ABCC4: variants seen among roughly 807,000 people sequenced by gnomAD.
The protein encoded by ABCC4 is ATP-binding cassette sub-family C member 4.
In ABCC4, 102 loss-of-function variants were observed where a neutral mutation model predicts 168.5. The observed-to-expected ratio is 0.61, with a 90% CI of 0.52 to 0.71. The LOEUF (loss-of-function observed/expected upper bound fraction) is 0.71, where lower values mean the gene tolerates loss of function less well. Among genes scored for constraint, ABCC4 ranks in the 30% least tolerant of loss-of-function variants. The pLI is 0.00. For synonymous variants in ABCC4, 617 were observed against 590.7 expected (o/e 1.04, Z -0.65); for missense variants, 1,402 against 1,605.8 (o/e 0.87, Z 2.17).
rs146267028 is a variant in ABCC4, at chr13:95,158,453, T to G, written c.2455+2736A>C. Among the ~76,000 whole-genome samples the G allele has an allele frequency of 6.1e-3, 925 of 152,276 alleles. 7 individuals carry two copies. The highest frequency in any genetic ancestry group is 0.021 in the African/African-American group (870 of 41,564). ...CGGTGTGAATCACCTGGAGTTTCTG[T>G]GCCAGTCACCATCCCAAGGTGAGCT... On this transcript the variant is annotated intron_variant, in intron 19 of 30. Transcript: ENST00000645237.
At chr13:95,221,903 C>T (rs372190876) in intron 4 of ABCC4, among the ~76,000 whole-genome samples, 2 of 152,342 alleles carry the variant, frequency 1.3e-5, no homozygotes, top group African/African-American at 4.8e-5. Flanking sequence ...CACGTCCAGC[C>T]TCCCTCTCCA....
intron 26 of ABCC4, among the ~76,000 whole-genome samples, chr13:95,059,924 G>C (rs779923912): frequency 2.2e-4 from 34 of 152,154 alleles, no homozygotes; most frequent in Middle Eastern, 3.2e-3. Context: ...TTGGTTTAAG[G>C]ATGAGGAAAC....
chr13:95,278,826 A>C (rs989012576), intron 1 of ABCC4, among the ~76,000 whole-genome samples: 7 of 150,754 alleles, frequency 4.6e-5, no homozygotes, highest in South Asian at 2.1e-4. Context: ...AAAAAAAAAA[A>C]AAAAAAACAC....
intron 24 of ABCC4, among the ~76,000 whole-genome samples, chr13:95,072,559 T>C (rs929401852): frequency 6.6e-6 from 1 of 152,228 alleles, no homozygotes; most frequent in Non-Finnish European, 1.5e-5. Flanking sequence ...CTGTAATAAT[T>C]ACTCAACTTT....
chr13:95,115,946 C>A lies in ABCC4; in HGVS notation c.2511G>T (p.Pro837=), dbSNP rs148807118. 2 of 1,612,770 alleles carry A rather than the reference C, an allele frequency of 1.2e-6. No homozygotes were observed. The highest frequency in any genetic ancestry group is 3.4e-5 in the Admixed American group (2 of 59,628). The change falls in exon 20 of 31, where the codon CCG becomes CCT. Residue 837 remains proline (P), a synonymous_variant. Transcript: ENST00000645237. ...CCTGGATGAAATCTAAAAACGTCAG[C>A]GGCAGCAAATCATCCAAGTGTCCAA... is the stretch of plus-strand genomic sequence containing the variant. The part of the protein sequence containing the change: ...KDIGHLDDLL[P]LTFLDFIQTL...
At chr13:95,271,548 G>C (rs1032264212) in intron 1 of ABCC4, among the ~76,000 whole-genome samples, 3 of 152,068 alleles carry the variant, frequency 2.0e-5, no homozygotes, top group African/African-American at 7.2e-5. Context: ...AAGTATTTGC[G>C]TTACCTCAGC....
chr13:95,122,946 T>G (rs539006266), intron 19 of ABCC4, among the ~76,000 whole-genome samples: 1 of 152,376 alleles, frequency 6.6e-6, no homozygotes, highest in East Asian at 1.9e-4. Flanking sequence ...TCTTGCCTTT[T>G]CATATAATTA....
chr13:95,166,901 C>T (rs1235238424), intron 14 of ABCC4, among the ~76,000 whole-genome samples: 1 of 152,014 alleles, frequency 6.6e-6, no homozygotes, highest in Non-Finnish European at 1.5e-5. Context: ...AAAATTGCCC[C>T]ACAGGCCAGG....
intron 4 of ABCC4, among the ~76,000 whole-genome samples, chr13:95,232,812 T>C (rs989849521): frequency 1.3e-5 from 2 of 152,060 alleles, no homozygotes; most frequent in Non-Finnish European, 2.9e-5. Flanking sequence ...CAACCAGAAA[T>C]CCCACTCCTT....
chr13:95,275,026 G>A (rs978035292), intron 1 of ABCC4, among the ~76,000 whole-genome samples: 10 of 152,254 alleles, frequency 6.6e-5, no homozygotes, highest in Admixed American at 2.6e-4. Context: ...GCAGTGAGCC[G>A]AGATTGTGCC....
intron 19 of ABCC4, among the ~76,000 whole-genome samples, chr13:95,142,409 A>G (rs1376755098): frequency 6.6e-6 from 1 of 152,148 alleles, no homozygotes; most frequent in Non-Finnish European, 1.5e-5. Context: ...GAATGACACA[A>G]TGGACTTTAA....
At chr13:95,165,807 C>T (rs542794895) in intron 15 of ABCC4, among the ~76,000 whole-genome samples, 1 of 152,148 alleles carries the variant, frequency 6.6e-6, no homozygotes, top group Non-Finnish European at 1.5e-5. Context: ...TCAAATTATG[C>T]CTCCAGATGC....
At chr13:95,063,631 T>A (rs984780485) in intron 25 of ABCC4, among the ~76,000 whole-genome samples, 8 of 152,210 alleles carry the variant, frequency 5.3e-5, no homozygotes, top group Non-Finnish European at 1.0e-4. Flanking sequence ...TGCAAACTAA[T>A]TAATACTTAC....
chr13:95,034,940 T>C (rs536332054), intron 29 of ABCC4, among the ~76,000 whole-genome samples: 5 of 152,310 alleles, frequency 3.3e-5, no homozygotes, highest in South Asian at 4.1e-4. Context: ...TATAATGTTA[T>C]AGGAAAGGAA....
intron 25 of ABCC4, among the ~76,000 whole-genome samples, chr13:95,068,267 C>T (rs1017683524): frequency 6.6e-6 from 1 of 152,160 alleles, no homozygotes; most frequent in Non-Finnish European, 1.5e-5. Flanking sequence ...CAACTCACCA[C>T]GATGTTGCCT....
intron 20 of ABCC4, among the ~76,000 whole-genome samples, chr13:95,106,364 T>C (rs889289325): frequency 2.0e-5 from 3 of 151,522 alleles, no homozygotes; most frequent in African/African-American, 7.3e-5. Flanking sequence ...CGTATATATA[T>C]ATACATATAT....
At chr13:95,264,024 A>G (rs2040604117) in intron 1 of ABCC4, among the ~76,000 whole-genome samples, 1 of 152,200 alleles carries the variant, frequency 6.6e-6, no homozygotes, top group South Asian at 2.1e-4. Flanking sequence ...AAGAATCCCG[A>G]CAACATGTCC....
At chr13:95,200,196 T>C (rs1321007758) in intron 8 of ABCC4, among the ~76,000 whole-genome samples, 2 of 152,172 alleles carry the variant, frequency 1.3e-5, no homozygotes, top group African/African-American at 2.4e-5. Context: ...CTCAATTACA[T>C]TGTAGAGTCA....
Position 95,021,534 on chromosome 13 carries a change from T to C in ABCC4, c.*41A>G. ...GTGGTTTACATAGTCCAAAAACTAG[T>C]GGAAAATGCCTTCGGAACGGACTTG... On this transcript the variant is annotated 3_prime_UTR_variant, in exon 31 of 31. Transcript: ENST00000645237. 1.4e-6 allele frequency: 2 copies of C among 1,446,820 alleles called. No individual in the cohort carries two copies. The highest frequency in any genetic ancestry group is 1.7e-5 in the Admixed American group (1 of 57,966). The allele number at this position is 1,446,820 out of a possible 1,614,324, so 89.6% of individuals were successfully genotyped here. A position where few individuals can be genotyped will look rare whatever the true frequency, so the allele number is the denominator to read the frequency against.
Sources: gnomAD v4.1 joint callset for allele counts (sites outside exome capture counted in the v4.1 genomes callset) on GRCh38, gnomAD v4.1.1 for gene constraint, MANE v1.5 for transcripts, NCBI Gene and HGNC (gene_info 2026-07-23, HGNC 2026-07-21) for gene names.